Variants in ADGRB3 observed in about 807,000 individuals in gnomAD.
ADGRB3 encodes brain-specific angiogenesis inhibitor 3.
A neutral mutation model predicts 193.4 loss-of-function variants in ADGRB3; 37 were observed. The ratio of observed to expected loss-of-function variants is 0.19; its 90% confidence interval spans 0.15 to 0.25. ADGRB3 has a LOEUF of 0.25. ADGRB3 is among the 10% of genes least tolerant of loss of function. The pLI, the probability that ADGRB3 is intolerant of heterozygous loss-of-function variation, is 1.00. For synonymous variants in ADGRB3, 690 were observed against 644.2 expected, an observed-to-expected ratio of 1.07 and a Z score of -1.08; for missense variants, 1,637 against 1,852.9, an observed-to-expected ratio of 0.88 and a Z score of 2.14.
intron 17 of ADGRB3, among the ~76,000 whole-genome samples, chr6:69,206,139 G>A (rs529026539): frequency 6.7e-6 from 1 of 148,962 alleles, no homozygotes; most frequent in African/African-American, 2.5e-5. Flanking sequence ...TCTGCAGGCT[G>A]AGGAGCAAGG....
In ADGRB3 at chr6:69,332,992, C is replaced by T; in HGVS notation, c.3172C>T (p.Leu1058Phe). 1 of 1,613,720 alleles carries T rather than the reference C, an allele frequency of 6.2e-7. No individual in the cohort carries two copies. Among genetic ancestry groups the T allele is most frequent in the Non-Finnish European group, 8.5e-7 (1 of 1,179,850 alleles). Residue 1058 changes from leucine to phenylalanine, a missense_variant, in exon 24 of 32, where the codon CTC becomes TTC. By Grantham distance (22) the Leu-to-Phe change is conservative (BLOSUM62 0). Transcript: ENST00000370598. ...VSRDGILDKK[L>F]KHRAGQMSEP... ...CAGAGATGGAATCCTAGATAAAAAG[C>T]TCAAACACAGAGCCGGGTAAGCTGC...
At chr6:68,935,253 A>T (rs1767455643) in intron 4 of ADGRB3, among the ~76,000 whole-genome samples, 1 of 152,188 alleles carries the variant, frequency 6.6e-6, no homozygotes, top group Admixed American at 6.5e-5. Flanking sequence ...TCATTTTTAG[A>T]ACAAATTTCT....
intron 3 of ADGRB3, among the ~76,000 whole-genome samples, chr6:68,656,819 T>G (rs1312837142): frequency 6.6e-6 from 1 of 151,634 alleles, no homozygotes; most frequent in Non-Finnish European, 1.5e-5. Context: ...GGCAGTTTGC[T>G]TCACAGTTTG....
chr6:69,048,240 A>T lies in ADGRB3; in HGVS notation c.2163A>T (p.Pro721=). 6.8e-6 allele frequency: 11 copies of T among 1,613,706 alleles called. No individual in the cohort carries two copies. Among genetic ancestry groups the T allele is most frequent in the Non-Finnish European group, 9.3e-6 (11 of 1,179,714 alleles). Residue 721 remains proline, a synonymous_variant, in exon 14 of 32, where the codon CCA becomes CCT. Transcript: ENST00000370598. The part of the protein sequence containing the change: ...AASVLTDINF[P]MKGRKGMVDW... ...CTGTTCTAACAGACATCAACTTTCC[A>T]ATGAAAGGACGGAAGGGAATGGTTG...
intron 3 of ADGRB3, among the ~76,000 whole-genome samples, chr6:68,850,811 C>T (rs1768382742): frequency 6.6e-6 from 1 of 151,876 alleles, no homozygotes; most frequent in Non-Finnish European, 1.5e-5. Context: ...AACAATATCA[C>T]TTATTTGATT....
At chr6:68,727,032 T>C (rs1245908750) in intron 3 of ADGRB3, among the ~76,000 whole-genome samples, 1 of 151,556 alleles carries the variant, frequency 6.6e-6, no homozygotes, top group Non-Finnish European at 1.5e-5. Context: ...TCAGAAATGC[T>C]CTCCCAGGTT....
intron 17 of ADGRB3, among the ~76,000 whole-genome samples, chr6:69,226,688 C>T (rs62406846): frequency 0.14 from 21,628 of 152,172 alleles, 1,602 homozygotes; most frequent in Middle Eastern, 0.16. Flanking sequence ...AATGTTATGG[C>T]GTAGCTATTA....
At chr6:69,123,794 G>A (rs2150331216) in intron 17 of ADGRB3, among the ~76,000 whole-genome samples, 1 of 152,282 alleles carries the variant, frequency 6.6e-6, no homozygotes. Flanking sequence ...TACAGGAGGA[G>A]TAGGGTGGTC....
intron 3 of ADGRB3, among the ~76,000 whole-genome samples, chr6:68,851,318 T>G (rs1180798060): frequency 6.6e-6 from 1 of 151,942 alleles, no homozygotes; most frequent in Non-Finnish European, 1.5e-5. Flanking sequence ...TATAGTATCG[T>G]CTTTCCTTTT....
At chr6:68,663,160 A>C (rs1768710064) in intron 3 of ADGRB3, among the ~76,000 whole-genome samples, 1 of 151,362 alleles carries the variant, frequency 6.6e-6, no homozygotes, top group Admixed American at 6.6e-5. Flanking sequence ...AAGTTTCATA[A>C]ATAAATACAA....
At position 69,388,839 on chromosome 6, in the gene ADGRB3, G is replaced by T; in HGVS notation, c.4517G>T (p.Cys1506Phe). Residue 1506 changes from cysteine to phenylalanine, a missense_variant, in exon 32 of 32, where the codon TGT becomes TTT. Transcript: ENST00000370598. ...LELRPAEWEK[C>F]LNLPLDVQEG... ...CTGAGGCCAGCAGAGTGGGAGAAGT[G>T]TCTGAATTTGCCTCTGGATGTGCAA... The T allele has an allele frequency of 6.2e-7, 1 of 1,613,402 alleles. No individual in the cohort carries two copies. Among genetic ancestry groups the T allele is most frequent in the Non-Finnish European group, 8.5e-7 (1 of 1,179,580 alleles).
intron 11 of ADGRB3, among the ~76,000 whole-genome samples, chr6:68,997,514 T>C (rs1444724345): frequency 7.1e-6 from 1 of 140,366 alleles, no homozygotes; most frequent in East Asian, 2.0e-4. Flanking sequence ...AAAAAAGCAG[T>C]GCATGGTAGT....
rs899526227 is a variant in ADGRB3 at position 68,869,142 on chromosome 6, T to C, written c.758-61417T>C. 2.6e-5 allele frequency among the ~76,000 whole-genome samples: 4 copies of C among 152,320 alleles called. No homozygotes were observed. The South Asian group carries it at 6.2e-4, about 24-fold the overall frequency. On this transcript the variant is annotated intron_variant, in intron 3 of 31. Coordinates refer to ENST00000370598, the MANE Select transcript of ADGRB3 (RefSeq NM_001704.3). Reference sequence around the variant, plus strand: ...CATTAGAGAGAAATTAATTACAAGATGCTTGCATTTCAATTATTCTGCATT... The same window carrying C: ...CATTAGAGAGAAATTAATTACAAGACGCTTGCATTTCAATTATTCTGCATT...
intron 3 of ADGRB3, among the ~76,000 whole-genome samples, chr6:68,760,527 G>C (rs1332756887): frequency 3.9e-5 from 6 of 152,186 alleles, no homozygotes; most frequent in African/African-American, 7.2e-5. Flanking sequence ...ATTGTTTCCT[G>C]ATAAATCACA....
intron 20 of ADGRB3, among the ~76,000 whole-genome samples, chr6:69,264,649 A>G (rs953086487): frequency 6.6e-6 from 1 of 151,816 alleles, no homozygotes; most frequent in Non-Finnish European, 1.5e-5. Context: ...TCTCAGAAAT[A>G]TACCTATGAA....
intron 10 of ADGRB3, among the ~76,000 whole-genome samples, chr6:68,978,080 G>A (rs13212875): frequency 4.0e-5 from 6 of 151,406 alleles, no homozygotes; most frequent in African/African-American, 1.5e-4. Flanking sequence ...CATCATCTTA[G>A]CACCTGTGGA....
chr6:69,071,473 G>C (rs1337566520), intron 16 of ADGRB3, among the ~76,000 whole-genome samples: 3 of 152,134 alleles, frequency 2.0e-5, no homozygotes, highest in Non-Finnish European at 2.9e-5. Flanking sequence ...AAAGAAAATA[G>C]TGAAGTCACT....
At chr6:69,301,140 G>A (rs1767941742) in intron 20 of ADGRB3, among the ~76,000 whole-genome samples, 1 of 151,576 alleles carries the variant, frequency 6.6e-6, no homozygotes, top group African/African-American at 2.4e-5. Context: ...GATATTGAAA[G>A]TATTAAGAAA....
intron 8 of ADGRB3, among the ~76,000 whole-genome samples, chr6:68,963,107 A>G (rs1768280058): frequency 6.6e-6 from 1 of 152,158 alleles, no homozygotes; most frequent in Non-Finnish European, 1.5e-5. Flanking sequence ...TATTTCTCTC[A>G]GTGGCCCTGC....
Sources: gnomAD v4.1 joint callset for allele counts (sites outside exome capture counted in the v4.1 genomes callset) on GRCh38, gnomAD v4.1.1 for gene constraint, MANE v1.5 for transcripts, NCBI Gene and HGNC (gene_info 2026-07-23, HGNC 2026-07-21) for gene names.